The following ZNF814 variants were observed in gnomAD, a reference collection of about 807,000 sequenced individuals.
The protein encoded by ZNF814 is zinc finger protein 814.
A neutral mutation model predicts 7.5 loss-of-function variants in ZNF814; 5 were observed. The ratio of observed to expected loss-of-function variants is 0.67; its 90% CI spans 0.35 to 1.40. The LOEUF (loss-of-function observed/expected upper bound fraction) is 1.40, where lower values mean the gene tolerates loss of function less well. Among genes scored for constraint, ZNF814 ranks in the 40% most tolerant of loss-of-function variants. ZNF814 has a pLI of 0.04. For missense variants in ZNF814, 962 were observed against 1,018.0 expected (o/e 0.94, Z 0.75); for synonymous variants, 315 against 340.7 (o/e 0.92, Z 0.83).
At chr19:57,875,844 G>A (rs2071601590) in intron 2 of ZNF814, among the ~76,000 whole-genome samples, 1 of 151,130 alleles carries the variant, frequency 6.6e-6, no homozygotes, top group South Asian at 2.1e-4. Flanking sequence ...CAAATTATGT[G>A]TGCCTACTTG....
the ZNF814 span, among the ~76,000 whole-genome samples, chr19:57,895,827 T>G: frequency 6.6e-6 from 1 of 151,916 alleles, no homozygotes; most frequent in Non-Finnish European, 1.5e-5. Flanking sequence ...GAGAGGGTTC[T>G]TTGGATCTCA....
At chr19:57,902,756 G>A in the ZNF814 span, among the ~76,000 whole-genome samples, 1 of 151,866 alleles carries the variant, frequency 6.6e-6, no homozygotes, top group Admixed American at 6.6e-5. Flanking sequence ...TGCCTCCCTG[G>A]TTCATGCCTT....
chr19:57,877,876 T>C (rs2071618539), intron 1 of ZNF814, among the ~76,000 whole-genome samples: 1 of 152,088 alleles, frequency 6.6e-6, no homozygotes, highest in Non-Finnish European at 1.5e-5. Context: ...ACAAATCAAT[T>C]GTATTGAGCC....
At position 57,888,782 on chromosome 19, in the gene ZNF814, C is replaced by G. The variant is rs1568522465; in HGVS notation, c.21G>C (p.Leu7=). MAAAAT[L]RLSAQGTVTF... ...CCACAATTACCTGAGCGGAGAGCCT[C>G]AGCGTAGCCGCGGCAGCCATCGAAC... Residue 7 remains leucine, a synonymous_variant, in exon 1 of 3, where the codon CTG becomes CTC. Transcript: ENST00000435989. The G allele has an allele frequency of 6.4e-7, 1 of 1,552,288 alleles. No individual in the cohort carries two copies. Among genetic ancestry groups the G allele is most frequent in the Non-Finnish European group, 8.7e-7 (1 of 1,147,442 alleles).
chr19:57,890,727 TAC>T (rs969140921), upstream of ZNF814, among the ~76,000 whole-genome samples: 10 of 152,142 alleles, frequency 6.6e-5, no homozygotes, highest in Non-Finnish European at 1.3e-4. Context: ...TGGGGATGTT[TAC>T]AGTCTTGTGG....
intron 1 of ZNF814, among the ~76,000 whole-genome samples, chr19:57,877,669 C>T (rs1312611411): frequency 2.0e-5 from 3 of 150,624 alleles, no homozygotes; most frequent in Non-Finnish European, 4.4e-5. Flanking sequence ...TCTCGAACTC[C>T]TGACCTCGTA....
chr19:57,872,571 A>T lies in ZNF814; in HGVS notation c.*251T>A. 1.0e-6 allele frequency: 1 copy of T among 999,550 alleles called. No individual in the cohort carries two copies. The highest frequency in any genetic ancestry group is 1.5e-6 in the Non-Finnish European group (1 of 671,144). The allele number at this position is 999,550 out of a possible 1,614,324, so 61.9% of individuals were successfully genotyped here. On this transcript the variant is annotated 3_prime_UTR_variant, in exon 3 of 3. Coordinates refer to ENST00000435989, the MANE Select transcript of ZNF814 (RefSeq NM_001144989.2). Reference sequence around the variant, plus strand: ...CTTTTTTCCCACATTTGCTGCAATCACAAGACCTTACTCCAGTGTGAACTC... The same window carrying T: ...CTTTTTTCCCACATTTGCTGCAATCTCAAGACCTTACTCCAGTGTGAACTC...
Position 57,873,269 on chromosome 19 carries a change from C to G in ZNF814, c.2121G>C (p.Gln707His). ...FKKKSHLLVH[Q>H]RIHNGEKPYA... ...ATGGCTTTTCTCCATTGTGAATTCT[C>G]TGGTGTACAAGGAGGTGAGACTTCT... is the stretch of plus-strand genomic sequence containing the variant. The change falls in exon 3 of 3, where the codon CAG becomes CAC. Residue 707 changes from glutamine (Q) to histidine (H), a missense_variant. By Grantham distance (24) the Gln-to-His change is conservative. Coordinates refer to ENST00000435989, the MANE Select transcript of ZNF814 (RefSeq NM_001144989.2). 1 of 1,600,108 alleles carries G rather than the reference C, an allele frequency of 6.2e-7. No homozygotes were observed. Among genetic ancestry groups the G allele is most frequent in the African/African-American group, 1.3e-5 (1 of 74,508 alleles).
rs2071713700 is a variant in ZNF814 at position 57,888,701 on chromosome 19, G to A, written c.36+66C>T. 2.6e-6 allele frequency: 4 copies of A among 1,536,304 alleles called. No homozygotes were observed. In the South Asian group the frequency reaches 4.8e-5, roughly 18 times the overall value. ...CCGGGCTGCAGAGCCGTGAACAGGC[G>A]CTGCTACCTCGCTGCTTTTGGGTGA... On this transcript the variant is annotated intron_variant, in intron 1 of 2. Coordinates refer to ENST00000435989, the MANE Select transcript of ZNF814 (RefSeq NM_001144989.2).
rs1488453783 is a variant in ZNF814 at position 57,873,068 on chromosome 19, G to A, written c.2322C>T (p.Cys774=). The change falls in exon 3 of 3, where the codon TGC becomes TGT. Residue 774 remains cysteine (C), a synonymous_variant. Transcript: ENST00000435989. ...RIHTGEKPYE[C]SECGKSFAES... ...CAGCGAAAGATTTTCCACATTCACT[G>A]CACTCATAAGGCTTTTCTCCAGTGT... 6.2e-7 allele frequency: 1 copy of A among 1,613,512 alleles called. No individual in the cohort carries two copies.
At chr19:57,895,386 T>C in the ZNF814 span, among the ~76,000 whole-genome samples, 4 of 151,752 alleles carry the variant, frequency 2.6e-5, no homozygotes, top group African/African-American at 7.3e-5. Context: ...AGCAATTCTC[T>C]TGCCTCAGCC....
chr19:57,878,722 G>A (rs1478223493), intron 1 of ZNF814, among the ~76,000 whole-genome samples: 2 of 152,084 alleles, frequency 1.3e-5, no homozygotes, highest in African/African-American at 4.8e-5. Flanking sequence ...GCCTACTAAA[G>A]TGCCGGGATT....
the ZNF814 span, among the ~76,000 whole-genome samples, chr19:57,904,783 G>A: frequency 6.6e-6 from 1 of 152,220 alleles, no homozygotes; most frequent in East Asian, 1.9e-4. Context: ...GGGAGTGGTG[G>A]CCCACGCCTG....
chr19:57,888,437 T>C (rs865929861), intron 1 of ZNF814, among the ~76,000 whole-genome samples: 1 of 152,306 alleles, frequency 6.6e-6, no homozygotes. Flanking sequence ...TCTCCATGCC[T>C]TCTAGGGTCC....
upstream of ZNF814, among the ~76,000 whole-genome samples, chr19:57,889,403 A>G (rs1012056777): frequency 2.0e-5 from 3 of 152,002 alleles, no homozygotes; most frequent in Non-Finnish European, 4.4e-5. Flanking sequence ...ATATTAGCGG[A>G]GTGTGGTCGG....
In ZNF814 at chr19:57,874,337, A is replaced by C. The variant is rs1322515373; in HGVS notation, c.1053T>G (p.His351Gln). 6.2e-7 allele frequency: 1 copy of C among 1,606,718 alleles called. No individual in the cohort carries two copies. Among genetic ancestry groups the C allele is most frequent in the African/African-American group, 1.3e-5 (1 of 74,346 alleles). Residue 351 changes from histidine (H) to glutamine (Q), a missense_variant, in exon 3 of 3, where the codon CAT (histidine) becomes CAG (glutamine). This residue lies in a region of ZNF814 where 30 missense variants were observed against 97.6 expected (regional missense o/e 0.31). Coordinates refer to ENST00000435989, the MANE Select transcript of ZNF814 (RefSeq NM_001144989.2). The part of the protein sequence containing the change: ...NHQRVHTEKK[H>Q]YECGECGKSF... ...ATTTCCCACATTCTCCACATTCATA[A>C]TGTTTTTTTTCAGTGTGAACTCTCT...
chr19:57,893,684 C>T (rs913023627), upstream of ZNF814, among the ~76,000 whole-genome samples: 27 of 150,710 alleles, frequency 1.8e-4, no homozygotes, highest in African/African-American at 5.8e-4. Context: ...TTTGGGAGGC[C>T]GAGGTGGGCA....
chr19:57,873,765 T>C lies in ZNF814; in HGVS notation c.1625A>G (p.His542Arg). 1 of 1,613,836 alleles carries C rather than the reference T, an allele frequency of 6.2e-7. No individual in the cohort carries two copies. Among genetic ancestry groups the C allele is most frequent in the Non-Finnish European group, 8.5e-7 (1 of 1,179,928 alleles). Residue 542 changes from histidine (H) to arginine (R), a missense_variant, in exon 3 of 3, where the codon CAC becomes CGC. Around this residue, in one of 7 missense-constraint regions of ZNF814, gnomAD observed 665 missense variants for 551.4 expected, o/e 1.21. Transcript: ENST00000435989. ...ACACTCATAAAGTCTGTCCCCAGTG[T>C]GAATTTGCTGATGGTTCCTAAGATG... ...KGHLRNHQQI[H>R]TGDRLYECGE... is the part of the protein sequence containing the mutation.
chr19:57,883,011 C>G (rs1040292525), intron 1 of ZNF814, among the ~76,000 whole-genome samples: 6 of 152,118 alleles, frequency 3.9e-5, no homozygotes, highest in Non-Finnish European at 7.3e-5. Context: ...AAGACAAACA[C>G]GGAGAAAGAA....
Sources: gnomAD v4.1 joint callset for allele counts (sites outside exome capture counted in the v4.1 genomes callset) on GRCh38, gnomAD v4.1.1 for gene constraint, gnomAD v4.1.1 regional missense constraint, MANE v1.5 for transcripts, NCBI Gene and HGNC (gene_info 2026-07-23, HGNC 2026-07-21) for gene names.